The following IAPP variants were observed in gnomAD, a reference collection of about 807,000 sequenced individuals.
The protein encoded by IAPP is Islet amyloid polypeptide (diabetes-associated peptide; amylin).
In IAPP, 4 loss-of-function variants were observed where a neutral mutation model predicts 2.9. The observed-to-expected ratio is 1.39, with a 90% CI of 0.69 to 3.19. The LOEUF is 3.19. IAPP is among the 30% of genes most tolerant of loss of function. IAPP has a pLI of 0.01. For synonymous variants in IAPP, 40 were observed against 42.1 expected, an observed-to-expected ratio of 0.95 and a Z score of 0.19; for missense variants, 114 against 105.3, an observed-to-expected ratio of 1.08 and a Z score of -0.36.
chr12:21,364,145 TCAATA>T (rs1474847669), intron 1 of IAPP, among the ~76,000 whole-genome samples: 1 of 152,180 alleles, frequency 6.6e-6, no homozygotes, highest in Non-Finnish European at 1.5e-5. Flanking sequence ...GCAAAAATCC[TCAATA>T]AAATACTGGC....
chr12:21,363,478 T>G (rs1353127828), intron 1 of IAPP, among the ~76,000 whole-genome samples: 1 of 151,956 alleles, frequency 6.6e-6, no homozygotes, highest in Non-Finnish European at 1.5e-5. Flanking sequence ...ACATCACAAT[T>G]AAAAGAACTA....
intron 1 of IAPP, among the ~76,000 whole-genome samples, chr12:21,356,754 A>C (rs913126639): frequency 6.6e-6 from 1 of 152,160 alleles, no homozygotes; most frequent in Non-Finnish European, 1.5e-5. Context: ...ATAGTAGCTT[A>C]ATTCTCATGC....
chr12:21,357,406 G>C (rs1325348755), intron 1 of IAPP, among the ~76,000 whole-genome samples: 1 of 152,180 alleles, frequency 6.6e-6, no homozygotes, highest in Non-Finnish European at 1.5e-5. Context: ...AAGAGGCATG[G>C]AACAGCCCTC....
At chr12:21,359,707 A>G (rs1304661825) in intron 1 of IAPP, among the ~76,000 whole-genome samples, 4 of 151,652 alleles carry the variant, frequency 2.6e-5, no homozygotes, top group Non-Finnish European at 2.9e-5. Flanking sequence ...AGATCGTGCC[A>G]CTGCACTCCA....
intron 1 of IAPP, chr12:21,355,130 A>G (rs1382884014): frequency 6.6e-6 from 1 of 152,186 alleles, no homozygotes; most frequent in Non-Finnish European, 1.5e-5. Context: ...TGATCCATGT[A>G]TATTATTTTA....
intron 1 of IAPP, among the ~76,000 whole-genome samples, chr12:21,359,388 G>A (rs1938632956): frequency 6.6e-6 from 1 of 151,882 alleles, no homozygotes; most frequent in African/African-American, 2.4e-5. Flanking sequence ...CACTCCTTGT[G>A]TAAAACATTA....
rs867590681 is a variant in IAPP at position 21,373,504 on chromosome 12, A to G, written c.80+73A>G. 153 of 974,692 alleles carry G rather than the reference A, an allele frequency of 1.6e-4. 3 individuals are homozygous for G. The highest frequency in any genetic ancestry group is 8.5e-4 in the South Asian group (66 of 77,888). The allele number at this position is 974,692 out of a possible 1,614,324, so 60.4% of individuals were successfully genotyped here. ...AGAAAATTAGAATTAAATACTGTCA[A>G]ATAACTACAGCCTTAGATTTCTGAC... On this transcript the variant is annotated intron_variant, in intron 2 of 2. Transcript: ENST00000240652.
In IAPP at chr12:21,365,206, C is replaced by T. The variant is rs561981879; in HGVS notation, c.-15-8131C>T. ...ACTGGTACCAAAACAGAGATATAGACCAATGGAACAGAATAGAGCCCTCAG... is the reference window on the plus strand; with the variant it reads ...ACTGGTACCAAAACAGAGATATAGATCAATGGAACAGAATAGAGCCCTCAG... On this transcript the variant is annotated intron_variant, in intron 1 of 2. Coordinates refer to the IAPP transcript ENST00000539393. 2.8e-4 allele frequency among the ~76,000 whole-genome samples: 42 copies of T among 152,164 alleles called. No individual in the cohort carries two copies. In the South Asian group the frequency reaches 4.1e-3, roughly 15 times the overall value.
intron 1 of IAPP, among the ~76,000 whole-genome samples, chr12:21,358,838 T>C (rs1234719137): frequency 3.3e-5 from 5 of 152,088 alleles, no homozygotes; most frequent in African/African-American, 1.2e-4. Flanking sequence ...ACAAAGAGAT[T>C]CCTGAAGGAA....
intron 1 of IAPP, among the ~76,000 whole-genome samples, chr12:21,363,151 CA>C (rs1381192923): frequency 6.6e-6 from 1 of 152,158 alleles, no homozygotes; most frequent in Non-Finnish European, 1.5e-5. Context: ...GGAAGTAAAG[CA>C]CTCCTCAGCA....
chr12:21,376,482 T>G, intron 2 of IAPP: 1 of 179,592 alleles, frequency 5.6e-6, no homozygotes. Flanking sequence ...AAATAAATAA[T>G]TGAACAGATA....
In IAPP at chr12:21,356,333, A is replaced by G. The variant is rs141604639; in HGVS notation, c.-16+1320A>G. 1.8e-4 allele frequency among the ~76,000 whole-genome samples: 27 copies of G among 152,208 alleles called. 2 individuals carry two copies. The East Asian group carries it at 5.2e-3, about 29-fold the overall frequency. The stretch of plus-strand genomic sequence containing the variant: ...AAACATACCTATGATATTAAGAAAT[A>G]TGCAGGCTTAATTTACCTCCTAAAA... On this transcript the variant is annotated intron_variant, in intron 1 of 2. Coordinates refer to the IAPP transcript ENST00000539393.
intron 1 of IAPP, among the ~76,000 whole-genome samples, chr12:21,362,193 C>A (rs1046436985): frequency 1.3e-5 from 2 of 152,040 alleles, no homozygotes; most frequent in African/African-American, 4.8e-5. Context: ...TAACAGTGAG[C>A]GGGTCTCTCG....
At chr12:21,358,927 G>A (rs1370323515) in intron 1 of IAPP, among the ~76,000 whole-genome samples, 3 of 151,996 alleles carry the variant, frequency 2.0e-5, no homozygotes, top group Non-Finnish European at 4.4e-5. Flanking sequence ...ACATGAGAGA[G>A]GAAACAATAA....
At chr12:21,375,917 C>T (rs995539904) in intron 2 of IAPP, among the ~76,000 whole-genome samples, 1 of 151,576 alleles carries the variant, frequency 6.6e-6, no homozygotes, top group African/African-American at 2.4e-5. Context: ...AAAAAAATGC[C>T]TGAAACCAGG....
rs1940365680 is a variant in IAPP, at chr12:21,378,393, A to G, written c.237A>G (p.Leu79=). Residue 79 remains leucine, a synonymous_variant, in exon 3 of 3, where the codon TTA becomes TTG. Coordinates refer to ENST00000240652, the MANE Select transcript of IAPP (RefSeq NM_000415.3). ...GCAAGAGGAATGCAGTAGAGGTTTT[A>G]AAGAGAGAGCCACTGAATTACTTGC... ...TYGKRNAVEV[L]KREPLNYLPL 2 of 1,614,168 alleles carry G rather than the reference A, an allele frequency of 1.2e-6. No homozygotes were observed. Among genetic ancestry groups the G allele is most frequent in the Non-Finnish European group, 1.7e-6 (2 of 1,179,970 alleles).
chr12:21,359,214 A>G (rs1305011089), intron 1 of IAPP, among the ~76,000 whole-genome samples: 2 of 152,214 alleles, frequency 1.3e-5, no homozygotes, highest in Admixed American at 6.5e-5. Context: ...CATCCAGGTA[A>G]CAACCTTCTC....
At chr12:21,361,035 T>G (rs576095956) in intron 1 of IAPP, among the ~76,000 whole-genome samples, 1 of 151,878 alleles carries the variant, frequency 6.6e-6, no homozygotes, top group South Asian at 2.1e-4. Context: ...TTGAAGAGAG[T>G]TGTGGTTCTC....
intron 1 of IAPP, among the ~76,000 whole-genome samples, chr12:21,364,513 C>T (rs539193539): frequency 6.6e-6 from 1 of 152,284 alleles, no homozygotes; most frequent in East Asian, 1.9e-4. Flanking sequence ...TCTCTCACCA[C>T]TCCTATTCAA....
Sources: allele counts gnomAD v4.1 joint callset (sites outside exome capture counted in the v4.1 genomes callset), GRCh38; gene constraint gnomAD v4.1.1; transcripts MANE v1.5; gene names NCBI Gene and HGNC (gene_info 2026-07-23, HGNC 2026-07-21).